ANKRD30BL: variants seen among roughly 807,000 people sequenced by gnomAD.
ANKRD30BL encodes the protein ankyrin repeat domain 30B like.
Under a neutral mutation model 18.4 loss-of-function variants are expected in ANKRD30BL, and 20 were observed. The ratio of observed to expected loss-of-function variants is 1.09; its 90% CI spans 0.77 to 1.58. The LOEUF is 1.58. Among genes scored for constraint, ANKRD30BL ranks in the 40% most tolerant of loss-of-function variants. The pLI is 0.00. For synonymous variants in ANKRD30BL, 72 were observed against 100.9 expected, an observed-to-expected ratio of 0.71 and a Z score of 1.72; for missense variants, 224 against 268.6, an observed-to-expected ratio of 0.83 and a Z score of 1.16.
chr2:132,242,845 T>G (rs112318666), intron 1 of ANKRD30BL, among the ~76,000 whole-genome samples: 10,888 of 151,064 alleles, frequency 0.072, 1,288 homozygotes, highest in African/African-American at 0.25. Context: ...GTGGCCATTT[T>G]GTGCGATTTG....
At chr2:132,222,731 C>A in intron 1 of ANKRD30BL, among the ~76,000 whole-genome samples, 1 of 147,178 alleles carries the variant, frequency 6.8e-6, no homozygotes, top group Non-Finnish European at 1.5e-5. Flanking sequence ...CTAGGAAAAC[C>A]AGAGACCTTT....
rs1480785761 is a variant in ANKRD30BL at position 132,221,780 on chromosome 2, C to A, written n.441+35749G>T. 2.9e-3 allele frequency among the ~76,000 whole-genome samples: 289 copies of A among 100,810 alleles called. 1 individual carries two copies. The highest frequency in any genetic ancestry group is 2.2e-3 in the Non-Finnish European group (116 of 52,720). 66.1% of individuals were successfully genotyped at this position (100,810 alleles called of 152,430 possible). A position where few individuals can be genotyped will look rare whatever the true frequency, so the allele number is the denominator to read the frequency against. On this transcript the variant is annotated intron_variant and non_coding_transcript_variant, in intron 1 of 4. Transcript: ENST00000470729. Reference sequence around the variant, plus strand: ...GCCGCCCCTACTGGGAAGTGAGGAGCCCCTCTGCCCGGCCAGCCGCCCCGT... The same window carrying A: ...GCCGCCCCTACTGGGAAGTGAGGAGACCCTCTGCCCGGCCAGCCGCCCCGT...
rs201946068 is a variant in ANKRD30BL, at chr2:132,174,503, TA to T, written n.442-17358del. On this transcript the variant is annotated intron_variant and non_coding_transcript_variant, in intron 1 of 4. Coordinates refer to the ANKRD30BL transcript ENST00000470729. ...AATTTCCTCAGGACAGATCAGCAAT[TA>T]AAAAAAAATACAGAACTAGGCATGC... Among the ~76,000 whole-genome samples the T allele has an allele frequency of 7.2e-3, 1,089 of 151,130 alleles. 13 individuals carry two copies. The highest frequency in any genetic ancestry group is 0.024 in the African/African-American group (995 of 41,242).
At chr2:132,166,753 C>T (rs1688194390), upstream of ANKRD30BL, among the ~76,000 whole-genome samples, 1 of 151,888 alleles carries the variant, frequency 6.6e-6, no homozygotes, top group South Asian at 2.1e-4. Flanking sequence ...AAAGAAACAG[C>T]TTTCTGTTTC....
At chr2:132,188,444 C>T (rs1170701319) in intron 1 of ANKRD30BL, among the ~76,000 whole-genome samples, 1 of 152,304 alleles carries the variant, frequency 6.6e-6, no homozygotes, top group Non-Finnish European at 1.5e-5. Flanking sequence ...GGGCAGGGCG[C>T]GGTGGCTCAC....
At chr2:132,221,541 A>T (rs1421185913) in intron 1 of ANKRD30BL, among the ~76,000 whole-genome samples, 1 of 107,110 alleles carries the variant, frequency 9.3e-6, no homozygotes, top group Non-Finnish European at 1.8e-5. Flanking sequence ...TCCGGGAGGG[A>T]GGTGGGGGGG....
rs998449138 is a variant in ANKRD30BL, at chr2:132,238,174, C to T, written n.441+19355G>A. ...AGAAGAATTCTCAGAAACTTCTTTG[C>T]GATGTGCGTACTCAACTCACAGAGT... On this transcript the variant is annotated intron_variant and non_coding_transcript_variant, in intron 1 of 4. Transcript: ENST00000470729. Among the ~76,000 whole-genome samples the T allele has an allele frequency of 1.2e-3, 189 of 151,582 alleles. 2 individuals carry two copies. Among genetic ancestry groups the T allele is most frequent in the African/African-American group, 4.1e-3 (170 of 41,394 alleles).
intron 1 of ANKRD30BL, among the ~76,000 whole-genome samples, chr2:132,212,002 T>C (rs1008149117): frequency 1.3e-5 from 2 of 152,042 alleles, no homozygotes; most frequent in Non-Finnish European, 2.9e-5. Flanking sequence ...ATTGAGCAGT[T>C]TGGAAACACT....
At chr2:132,165,088 C>CA (rs59683141), upstream of ANKRD30BL, among the ~76,000 whole-genome samples, 23,237 of 150,552 alleles carry the variant, frequency 0.15, 1,945 homozygotes, top group Admixed American at 0.24. Flanking sequence ...AAAAAACAAA[C>CA]AAAAAAAAAC....
At chr2:132,183,543 A>G (rs201610207) in intron 1 of ANKRD30BL, among the ~76,000 whole-genome samples, 2 of 151,542 alleles carry the variant, frequency 1.3e-5, no homozygotes, top group African/African-American at 2.4e-5. Context: ...AAGAGGGGGC[A>G]AGGCAGCCCC....
chr2:132,252,327 G>A (rs1283729637), intron 1 of ANKRD30BL, among the ~76,000 whole-genome samples: 1 of 152,210 alleles, frequency 6.6e-6, no homozygotes, highest in African/African-American at 2.4e-5. Context: ...AGGATGCAGC[G>A]GTGCTGCCCT....
At chr2:132,162,012 TGG>T (rs1221421011), upstream of ANKRD30BL, 1 of 288,214 alleles carries the variant, frequency 3.5e-6, no homozygotes, top group Non-Finnish European at 6.6e-6. Flanking sequence ...GAAACCGCCC[TGG>T]CTGCGCTTCG....
intron 1 of ANKRD30BL, among the ~76,000 whole-genome samples, chr2:132,167,040 C>T (rs1410983168): frequency 2.7e-5 from 4 of 150,654 alleles, no homozygotes; most frequent in Non-Finnish European, 5.9e-5. Flanking sequence ...TTTTGGGATG[C>T]ATTTAGATGT....
intron 3 of ANKRD30BL, chr2:132,155,607 T>A (rs1158216405): frequency 1.3e-5 from 2 of 152,148 alleles, no homozygotes; most frequent in African/African-American, 4.8e-5. Flanking sequence ...TATTAAAAAT[T>A]CAGTATACAA....
chr2:132,205,418 AT>A (rs1202733514), intron 1 of ANKRD30BL, among the ~76,000 whole-genome samples: 1 of 146,170 alleles, frequency 6.8e-6, no homozygotes, highest in Non-Finnish European at 1.5e-5. Flanking sequence ...CCTGACCAAC[AT>A]GAAGAAACCC....
intron 1 of ANKRD30BL, among the ~76,000 whole-genome samples, chr2:132,235,822 C>G (rs201035226): frequency 2.3e-4 from 35 of 152,058 alleles, no homozygotes; most frequent in Admixed American, 1.4e-3. Flanking sequence ...TTTCTTCACA[C>G]AATTGGAAAA....
At position 132,211,587 on chromosome 2, in the gene ANKRD30BL, C is replaced by T. The variant is rs144574907; in HGVS notation, n.441+45942G>A. 1.3e-3 allele frequency among the ~76,000 whole-genome samples: 189 copies of T among 148,570 alleles called. 2 individuals carry two copies. Among genetic ancestry groups the T allele is most frequent in the African/African-American group, 4.1e-3 (165 of 40,536 alleles). ...TATCTTCACATAACAACTAGACAGA[C>T]GCATTGTGAGAAACTTCTTTTTGAT... On this transcript the variant is annotated intron_variant and non_coding_transcript_variant, in intron 1 of 4. Coordinates refer to the ANKRD30BL transcript ENST00000470729.
intron 1 of ANKRD30BL, among the ~76,000 whole-genome samples, chr2:132,243,888 A>G (rs1680404257): frequency 6.6e-6 from 1 of 152,116 alleles, no homozygotes; most frequent in Non-Finnish European, 1.5e-5. Context: ...GAGGCCTATG[A>G]TGAAAAAGGA....
In ANKRD30BL at chr2:132,225,581, A is replaced by G. The variant is rs554283298; in HGVS notation, n.441+31948T>C. Among the ~76,000 whole-genome samples, 401 of 151,570 alleles carry G rather than the reference A, an allele frequency of 2.6e-3. 4 individuals are homozygous for G. Among genetic ancestry groups the G allele is most frequent in the African/African-American group, 9.2e-3 (380 of 41,364 alleles). ...AGAGTTGAAACTTTCTTTTGATAGA[A>G]CAGTTTTGAAACACTCTTTTTGTAG... On this transcript the variant is annotated intron_variant and non_coding_transcript_variant, in intron 1 of 4. Coordinates refer to the ANKRD30BL transcript ENST00000470729.
Sources: allele counts gnomAD v4.1 joint callset (sites outside exome capture counted in the v4.1 genomes callset), GRCh38; gene constraint gnomAD v4.1.1; transcripts MANE v1.5; gene names NCBI Gene and HGNC (gene_info 2026-07-23, HGNC 2026-07-21).